GPHN: variants seen among roughly 807,000 people sequenced by gnomAD.
The protein encoded by GPHN is gephyrin.
In GPHN, 17 loss-of-function variants were observed where a neutral mutation model predicts 95.5. That is an observed-to-expected ratio of 0.18 (90% confidence interval 0.12 to 0.27). The LOEUF is 0.27. GPHN is among the 10% of genes least tolerant of loss of function. The pLI, the probability that GPHN is intolerant of heterozygous loss-of-function variation, is 1.00. For synonymous variants in GPHN, 320 were observed against 322.5 expected (o/e 0.99, Z 0.08); for missense variants, 660 against 978.1 (o/e 0.67, Z 4.34).
intron 9 of GPHN, among the ~76,000 whole-genome samples, chr14:66,987,387 G>A (rs571364890): frequency 5.9e-5 from 9 of 152,168 alleles, no homozygotes; most frequent in East Asian, 1.9e-4. Context: ...GCGAGTGCGC[G>A]TGCGTGCAGT....
chr14:67,573,141 A>G, the GPHN span: 7 of 620,460 alleles, frequency 1.1e-5, no homozygotes, highest in Admixed American at 1.8e-4. The surrounding 1 kb of genome is among the most constrained non-coding windows in gnomAD (Gnocchi z 4.8). Flanking sequence ...CTGAAAATAC[A>G]CTGAGTAGGT....
chr14:67,292,457 G>A, the GPHN span: 2 of 1,224,274 alleles, frequency 1.6e-6, no homozygotes, highest in South Asian at 2.7e-5. Context: ...GAAAATGCAT[G>A]TTGAATTAAT....
At chr14:67,678,245 T>TG in the GPHN span, 3 of 1,012,170 alleles carry the variant, frequency 3.0e-6, no homozygotes, top group Non-Finnish European at 4.7e-6. Flanking sequence ...TTGAAAACCT[T>TG]GAAGGAGAAT....
chr14:67,540,950 T>TA, the GPHN span, among the ~76,000 whole-genome samples: 1 of 152,224 alleles, frequency 6.6e-6, no homozygotes, highest in African/African-American at 2.4e-5. Context: ...TGGCTGGACA[T>TA]ACTATAGGTG....
intron 5 of GPHN, among the ~76,000 whole-genome samples, chr14:66,887,413 C>T (rs913830608): frequency 2.6e-5 from 4 of 152,074 alleles, no homozygotes; most frequent in African/African-American, 4.8e-5. Flanking sequence ...CACAGTGAAA[C>T]CTCATCTACT....
At chr14:67,638,624 G>A in the GPHN span, among the ~76,000 whole-genome samples, 1 of 152,146 alleles carries the variant, frequency 6.6e-6, no homozygotes, top group African/African-American at 2.4e-5. Context: ...TTATAGAGTT[G>A]AGTTCGTTCT....
At chr14:66,993,985 G>A (rs2071605748) in intron 9 of GPHN, among the ~76,000 whole-genome samples, 1 of 151,912 alleles carries the variant, frequency 6.6e-6, no homozygotes, top group South Asian at 2.1e-4. Context: ...TATGTCTTTG[G>A]ACTAATTTTG....
chr14:67,503,982 G>A, the GPHN span, among the ~76,000 whole-genome samples: 1 of 150,718 alleles, frequency 6.6e-6, no homozygotes, highest in South Asian at 2.1e-4. Flanking sequence ...GATTACAGGC[G>A]TGAGCCACTG....
intron 2 of GPHN, among the ~76,000 whole-genome samples, chr14:66,746,413 G>T (rs181988468): frequency 6.6e-6 from 1 of 152,176 alleles, no homozygotes; most frequent in Admixed American, 6.5e-5. Context: ...GGATTGTGTG[G>T]TTCTAACCTT....
chr14:67,397,745 G>A, the GPHN span: 30 of 1,612,954 alleles, frequency 1.9e-5, no homozygotes, highest in Non-Finnish European at 2.3e-5. Context: ...GTCACTCTCC[G>A]ACCCCCCTCA....
chr14:67,579,851 A>T, the GPHN span: 1 of 1,604,986 alleles, frequency 6.2e-7, no homozygotes, highest in South Asian at 1.1e-5. Context: ...AGGGACCTGG[A>T]GCACTGCCTG....
chr14:67,610,104 C>G, the GPHN span, among the ~76,000 whole-genome samples: 1 of 151,270 alleles, frequency 6.6e-6, no homozygotes, highest in African/African-American at 2.5e-5. Flanking sequence ...TCGAGGGTTG[C>G]CAGCGGCGGG....
chr14:67,127,984 T>C (rs551871493), intron 17 of GPHN, among the ~76,000 whole-genome samples: 2 of 152,358 alleles, frequency 1.3e-5, no homozygotes, highest in Admixed American at 1.3e-4. Flanking sequence ...CAATTTTATA[T>C]TCCTGTGTAG....
At chr14:67,008,262 A>G (rs966959631) in intron 9 of GPHN, among the ~76,000 whole-genome samples, 3 of 151,748 alleles carry the variant, frequency 2.0e-5, no homozygotes, top group African/African-American at 4.8e-5. Flanking sequence ...GACCAGCCTG[A>G]CCAACATGAT....
At chr14:66,976,854 G>T (rs543841650) in intron 9 of GPHN, among the ~76,000 whole-genome samples, 1 of 139,932 alleles carries the variant, frequency 7.1e-6, no homozygotes, top group Non-Finnish European at 1.5e-5. Flanking sequence ...AGTAAAAAAA[G>T]GATGAGTAAA....
At chr14:67,276,111 A>G in the GPHN span, among the ~76,000 whole-genome samples, 1 of 152,110 alleles carries the variant, frequency 6.6e-6, no homozygotes. Flanking sequence ...TTGTGTCTCT[A>G]TCCAATAGGA....
At chr14:66,793,625 A>G (rs2060052722) in intron 3 of GPHN, among the ~76,000 whole-genome samples, 1 of 152,136 alleles carries the variant, frequency 6.6e-6, no homozygotes, top group East Asian at 1.9e-4. Context: ...ATACTTATGC[A>G]TAAGTATACA....
intron 3 of GPHN, among the ~76,000 whole-genome samples, chr14:66,784,724 C>T (rs1241791340): frequency 6.6e-6 from 1 of 151,744 alleles, no homozygotes; most frequent in Non-Finnish European, 1.5e-5. Flanking sequence ...GAAAAGTATA[C>T]AAAGCAATAT....
At chr14:67,340,562 C>G in the GPHN span, 1 of 1,516,724 alleles carries the variant, frequency 6.6e-7, no homozygotes, top group Non-Finnish European at 9.1e-7. Context: ...CTTCAAACCC[C>G]TTTTTTCAAA....
Sources: allele counts gnomAD v4.1 joint callset (sites outside exome capture counted in the v4.1 genomes callset), GRCh38; gene constraint gnomAD v4.1.1; non-coding constraint Gnocchi (gnomAD v3.1); transcripts MANE v1.5; gene names NCBI Gene and HGNC (gene_info 2026-07-23, HGNC 2026-07-21).